The following NDRG3 variants were observed in gnomAD, a reference collection of about 807,000 sequenced individuals.
NDRG3 encodes protein NDRG3.
NDRG3 carries 23 observed loss-of-function variants against 57.2 expected under a neutral mutation model. The ratio of observed to expected loss-of-function variants is 0.40; its 90% CI spans 0.29 to 0.57. NDRG3 has a LOEUF of 0.57. Among genes scored for constraint, NDRG3 ranks in the 20% least tolerant of loss-of-function variants. The pLI, the probability that NDRG3 is intolerant of heterozygous loss-of-function variation, is 0.42. For missense variants in NDRG3, 384 were observed against 457.3 expected (o/e 0.84, Z 1.46); for synonymous variants, 132 against 162.6 (o/e 0.81, Z 1.43).
chr20:36,693,664 T>C (rs965541070), intron 3 of NDRG3, among the ~76,000 whole-genome samples: 1 of 151,742 alleles, frequency 6.6e-6, no homozygotes, highest in Admixed American at 6.6e-5. Flanking sequence ...CAGATTCTCA[T>C]AGGAGCATGA....
intron 3 of NDRG3, among the ~76,000 whole-genome samples, chr20:36,702,214 G>A (rs1197217335): frequency 1.3e-5 from 2 of 151,634 alleles, no homozygotes; most frequent in Non-Finnish European, 2.9e-5. Context: ...TTGGTTCACT[G>A]CAAGCTCCGC....
At chr20:36,744,874 T>C (rs111279459) in intron 1 of NDRG3, among the ~76,000 whole-genome samples, 2,049 of 140,836 alleles carry the variant, frequency 0.015, 16 homozygotes, top group Non-Finnish European at 0.023. Flanking sequence ...CTCTGTCACC[T>C]CCAAGTCCAG....
intron 3 of NDRG3, among the ~76,000 whole-genome samples, chr20:36,705,972 T>G (rs1353135171): frequency 6.6e-6 from 1 of 152,088 alleles, no homozygotes; most frequent in African/African-American, 2.4e-5. Context: ...CTTGAACACT[T>G]GACCTCAGGT....
chr20:36,743,941 C>T (rs1293822139), intron 1 of NDRG3, among the ~76,000 whole-genome samples: 1 of 121,034 alleles, frequency 8.3e-6, no homozygotes, highest in Non-Finnish European at 1.7e-5. Flanking sequence ...AGCTCTGTTG[C>T]CCAGGCTGGA....
At chr20:36,721,465 G>A (rs184633632) in intron 2 of NDRG3, among the ~76,000 whole-genome samples, 13 of 151,856 alleles carry the variant, frequency 8.6e-5, no homozygotes, top group African/African-American at 3.1e-4. Flanking sequence ...GGAGTCAGAG[G>A]TTGCAGTGAG....
chr20:36,703,596 A>T (rs1983379585), intron 3 of NDRG3, among the ~76,000 whole-genome samples: 1 of 152,098 alleles, frequency 6.6e-6, no homozygotes, highest in South Asian at 2.1e-4. Context: ...GGCGCATGCC[A>T]TCGTGCCCAG....
intron 1 of NDRG3, among the ~76,000 whole-genome samples, chr20:36,727,922 G>A (rs1985043556): frequency 6.6e-6 from 1 of 152,156 alleles, no homozygotes; most frequent in Non-Finnish European, 1.5e-5. Flanking sequence ...TAAAGAGCCA[G>A]GAGCGGTAGC....
Position 36,663,321 on chromosome 20 carries a change from C to A in NDRG3, c.810+1725G>T, listed in dbSNP as rs186144286. Among the ~76,000 whole-genome samples, 24 of 152,308 alleles carry A rather than the reference C, an allele frequency of 1.6e-4. No individual in the cohort carries two copies. In the East Asian group the frequency reaches 2.7e-3, roughly 17 times the overall value. Reference sequence around the variant, plus strand: ...ACCCTACAAACATTTCCCCACTCCACAAACCTTCTCAACTATGTCTACACC... The same window carrying A: ...ACCCTACAAACATTTCCCCACTCCAAAAACCTTCTCAACTATGTCTACACC... On this transcript the variant is annotated intron_variant, in intron 12 of 15. Coordinates refer to ENST00000349004, the MANE Select transcript of NDRG3 (RefSeq NM_032013.4).
At chr20:36,698,006 C>A (rs1173118810) in intron 3 of NDRG3, among the ~76,000 whole-genome samples, 1 of 144,334 alleles carries the variant, frequency 6.9e-6, no homozygotes, top group Non-Finnish European at 1.5e-5. Flanking sequence ...TGCTCTGTCA[C>A]CCAGGCTGGA....
chr20:36,694,043 C>T (rs992819127), intron 3 of NDRG3, among the ~76,000 whole-genome samples: 2 of 151,886 alleles, frequency 1.3e-5, no homozygotes, highest in Non-Finnish European at 2.9e-5. Context: ...TTAAGAAAAT[C>T]GTAAGGCAGA....
At chr20:36,728,563 A>T (rs1471445294) in intron 1 of NDRG3, among the ~76,000 whole-genome samples, 1 of 152,216 alleles carries the variant, frequency 6.6e-6, no homozygotes, top group African/African-American at 2.4e-5. Context: ...TCCCTTGAAC[A>T]TCAAGTCTGT....
At chr20:36,681,847 AC>A (rs1568637676) in intron 7 of NDRG3, among the ~76,000 whole-genome samples, 1 of 151,580 alleles carries the variant, frequency 6.6e-6, no homozygotes, top group Non-Finnish European at 1.5e-5. Flanking sequence ...ACAGGCACCT[AC>A]CACCACGCCC....
At chr20:36,682,869 C>T (rs768222268) in intron 6 of NDRG3, among the ~76,000 whole-genome samples, 4 of 151,308 alleles carry the variant, frequency 2.6e-5, no homozygotes, top group Non-Finnish European at 4.4e-5. Context: ...AGATCAAGAC[C>T]ATCCTGGCCA....
chr20:36,718,452 T>C (rs143319541), intron 2 of NDRG3, among the ~76,000 whole-genome samples: 170 of 152,350 alleles, frequency 1.1e-3, no homozygotes, highest in African/African-American at 3.6e-3. Context: ...AGTGAGACAC[T>C]GCTTTGTGTC....
intron 3 of NDRG3, among the ~76,000 whole-genome samples, chr20:36,697,199 G>A (rs1176698210): frequency 6.6e-6 from 1 of 152,136 alleles, no homozygotes; most frequent in Non-Finnish European, 1.5e-5. Context: ...TCAAAACACT[G>A]GCAGCTGGTG....
At chr20:36,673,425 G>T (rs1293786631) in intron 8 of NDRG3, among the ~76,000 whole-genome samples, 1 of 151,706 alleles carries the variant, frequency 6.6e-6, no homozygotes, top group African/African-American at 2.4e-5. Context: ...TTGAGACAGG[G>T]TCTCGTTCTC....
chr20:36,684,259 C>T (rs1211488999), intron 6 of NDRG3, among the ~76,000 whole-genome samples, 154 bp downstream of exon 6: 1 of 152,196 alleles, frequency 6.6e-6, no homozygotes, highest in African/African-American at 2.4e-5. Flanking sequence ...TTTTATAGAA[C>T]TTTATTATTT....
rs1320740402 is a variant in NDRG3 at position 36,742,663 on chromosome 20, T to C, written c.-49+3382A>G. ...CATGTAGGAATATCTTATTCCATTA[T>C]AGTCTAATATTGCTTTGCTTGTAAC... On this transcript the variant is annotated intron_variant, in intron 1 of 15. Transcript: ENST00000349004. Among the ~76,000 whole-genome samples the C allele has an allele frequency of 1.3e-5, 2 of 152,346 alleles. 1 individual carries two copies. The highest frequency in any genetic ancestry group is 4.1e-4 in the South Asian group (2 of 4,830).
At chr20:36,687,662 A>G in intron 4 of NDRG3, 50 bp from the exon 5 acceptor site, 6 of 1,580,182 alleles carry the variant, frequency 3.8e-6, no homozygotes, top group Non-Finnish European at 3.4e-6. Context: ...TATCGCCCCA[A>G]TTTTCCTCTA....
Sources: gnomAD v4.1 joint callset for allele counts (sites outside exome capture counted in the v4.1 genomes callset) on GRCh38, gnomAD v4.1.1 for gene constraint, MANE v1.5 for transcripts, NCBI Gene and HGNC (gene_info 2026-07-23, HGNC 2026-07-21) for gene names.